ATG7: variants seen among roughly 807,000 people sequenced by gnomAD.
ATG7 encodes autophagy related 7.
Under a neutral mutation model 82.4 loss-of-function variants are expected in ATG7, and 70 were observed. That is an observed-to-expected ratio of 0.85 (90% CI 0.70 to 1.04). The LOEUF is 1.04. Among genes scored for constraint, ATG7 ranks in the 50% least tolerant of loss-of-function variants. The pLI, the probability that ATG7 is intolerant of heterozygous loss-of-function variation, is 0.00. For missense variants in ATG7, 792 were observed against 864.3 expected, an observed-to-expected ratio of 0.92 and a Z score of 1.05; for synonymous variants, 287 against 313.0, an observed-to-expected ratio of 0.92 and a Z score of 0.88.
At chr3:11,538,677 TAAAAAAAAAAAAAA>T (rs560029572) in intron 20 of ATG7, among the ~76,000 whole-genome samples, 3 of 47,648 alleles carry the variant, frequency 6.3e-5, no homozygotes, top group African/African-American at 9.8e-5. Context: ...ACTCCGTCTC[TAAAAAAAAAAAAAA>T]AAAAAAAAAA....
chr3:11,385,906 T>A (rs1369615763), intron 19 of ATG7, among the ~76,000 whole-genome samples: 1 of 152,228 alleles, frequency 6.6e-6, no homozygotes, highest in Non-Finnish European at 1.5e-5. Flanking sequence ...GAGTGCCGTT[T>A]TAATTTTGGC....
intron 20 of ATG7, among the ~76,000 whole-genome samples, chr3:11,518,582 A>G (rs1173907656): frequency 1.3e-5 from 2 of 151,960 alleles, no homozygotes; most frequent in East Asian, 1.9e-4. Flanking sequence ...GAGACAAAAC[A>G]ATCTTAGTGC....
In ATG7 at chr3:11,360,738, A is replaced by C; in HGVS notation, c.1637A>C (p.Tyr546Ser). 1 of 1,614,208 alleles carries C rather than the reference A, an allele frequency of 6.2e-7. No homozygotes were observed. Among genetic ancestry groups the C allele is most frequent in the Non-Finnish European group, 8.5e-7 (1 of 1,180,016 alleles). The part of the protein sequence containing the change: ...GSSLFANIPG[Y>S]KLGCYFCNDV... ...TCGCTTTTTGCCAACATCCCTGGTT[A>C]CAAGCTTGGCTGCTACTTCTGCAAT... Residue 546 changes from tyrosine to serine, a missense_variant, in exon 16 of 21, where the codon TAC becomes TCC. By Grantham distance (144) the Tyr-to-Ser change is moderately radical. Coordinates refer to ENST00000693202, the MANE Select transcript of ATG7 (RefSeq NM_001349232.2).
chr3:11,572,617 A>G, the ATG7 span, among the ~76,000 whole-genome samples: 40 of 152,148 alleles, frequency 2.6e-4, no homozygotes, highest in Non-Finnish European at 5.6e-4. Flanking sequence ...CTCTTGCCAC[A>G]CGTGGATGTG....
At chr3:11,409,105 T>C (rs2080642500) in intron 19 of ATG7, among the ~76,000 whole-genome samples, 1 of 152,250 alleles carries the variant, frequency 6.6e-6, no homozygotes, top group South Asian at 2.1e-4. Context: ...GCTGGTCTTT[T>C]CATCCTTCTG....
intron 3 of ATG7, among the ~76,000 whole-genome samples, chr3:11,293,690 A>T (rs1000532835): frequency 6.6e-6 from 1 of 151,632 alleles, no homozygotes; most frequent in Non-Finnish European, 1.5e-5. Flanking sequence ...CTACTAAAAA[A>T]TACAAAACAT....
At chr3:11,534,241 C>T (rs541360004) in intron 20 of ATG7, among the ~76,000 whole-genome samples, 105 of 152,372 alleles carry the variant, frequency 6.9e-4, no homozygotes, top group South Asian at 3.1e-3. Flanking sequence ...CTCCCAGAGT[C>T]TTAGCACTGT....
At chr3:11,520,651 C>T (rs73021332) in intron 20 of ATG7, among the ~76,000 whole-genome samples, 1,585 of 152,306 alleles carry the variant, frequency 0.01, 14 homozygotes, top group Non-Finnish European at 0.016. Flanking sequence ...ACACATTCTA[C>T]ACTTCTGAGC....
intron 20 of ATG7, among the ~76,000 whole-genome samples, chr3:11,553,918 C>T (rs896138381): frequency 1.3e-5 from 2 of 152,234 alleles, no homozygotes; most frequent in African/African-American, 4.8e-5. Context: ...TCTGCTAGCA[C>T]TGAGGTGGCC....
chr3:11,539,636 A>G (rs1354809396), intron 20 of ATG7, among the ~76,000 whole-genome samples: 2 of 152,146 alleles, frequency 1.3e-5, no homozygotes, highest in Non-Finnish European at 2.9e-5. Flanking sequence ...CTCTTATGAC[A>G]TTTTTGGTAA....
intron 20 of ATG7, among the ~76,000 whole-genome samples, chr3:11,495,017 A>C (rs1035650108): frequency 6.6e-6 from 1 of 152,102 alleles, no homozygotes; most frequent in African/African-American, 2.4e-5. Flanking sequence ...GGTTGCAGTG[A>C]GCCGAGATTG....
chr3:11,488,462 G>C, intron 20 of ATG7: 2 of 1,286,804 alleles, frequency 1.6e-6, no homozygotes, highest in Admixed American at 3.6e-5. Context: ...CGCGGCAGCG[G>C]CTCCGCTTCA....
At chr3:11,519,482 C>T (rs1190486794) in intron 20 of ATG7, among the ~76,000 whole-genome samples, 2 of 140,432 alleles carry the variant, frequency 1.4e-5, no homozygotes, top group Admixed American at 7.5e-5. Context: ...TGGGAACAAG[C>T]TGTCTTGCTT....
rs972967081 is a variant in ATG7, at chr3:11,556,811, A to G, written c.*1968A>G. 1 of 152,776 alleles carries G rather than the reference A, an allele frequency of 6.5e-6. No individual in the cohort carries two copies. Among genetic ancestry groups the G allele is most frequent in the Non-Finnish European group, 1.5e-5 (1 of 68,042 alleles). The allele number at this position is 152,776 out of a possible 1,614,324, so 9.5% of individuals were successfully genotyped here. A position where few individuals can be genotyped will look rare whatever the true frequency, so the allele number is the denominator to read the frequency against. ...GTTCTCAACGATTTTTCCTACAGAA[A>G]ATATAGGGGCCTGAATGCCAAAGCT... is the stretch of plus-strand genomic sequence containing the variant. On this transcript the variant is annotated 3_prime_UTR_variant, in exon 21 of 21. Transcript: ENST00000693202.
Position 11,361,957 on chromosome 3 carries a change from A to AT in ATG7, c.1684-855dup, listed in dbSNP as rs539414076. Reference sequence around the variant, plus strand: ...TTTAAAACTTTTCCCTTAATAACTCATATCTCTTTTGGATGACTGGCTTTT... The same window carrying AT: ...TTTAAAACTTTTCCCTTAATAACTCATTATCTCTTTTGGATGACTGGCTTTT... On this transcript the variant is annotated intron_variant, in intron 16 of 20. Coordinates refer to ENST00000693202, the MANE Select transcript of ATG7 (RefSeq NM_001349232.2). Among the ~76,000 whole-genome samples, 17 of 152,300 alleles carry AT rather than the reference A, an allele frequency of 1.1e-4. No homozygotes were observed. The East Asian group carries it at 2.9e-3, about 26-fold the overall frequency.
chr3:11,378,699 A>G (rs975121101), intron 18 of ATG7, among the ~76,000 whole-genome samples: 1 of 151,350 alleles, frequency 6.6e-6, no homozygotes, highest in Non-Finnish European at 1.5e-5. Flanking sequence ...AAAAAAAAAA[A>G]AAAAAAAAAA....
Position 11,345,757 on chromosome 3 carries a change from CTT to C in ATG7, c.1126-2117_1126-2116del, listed in dbSNP as rs1440667177. 2.7e-3 allele frequency among the ~76,000 whole-genome samples: 408 copies of C among 152,038 alleles called. 3 individuals carry two copies. The highest frequency in any genetic ancestry group is 5.4e-3 in the Admixed American group (83 of 15,282). Reference sequence around the variant, plus strand: ...TTGCTTTCAGATTCGTAAATATCTACTTTTATCTTTATTAATTTTTTCCTCCT... The same window carrying C: ...TTGCTTTCAGATTCGTAAATATCTACTTATCTTTATTAATTTTTTCCTCCT... On this transcript the variant is annotated intron_variant, in intron 13 of 20. Coordinates refer to ENST00000693202, the MANE Select transcript of ATG7 (RefSeq NM_001349232.2).
At chr3:11,511,511 A>G in intron 20 of ATG7, among the ~76,000 whole-genome samples, 1 of 152,120 alleles carries the variant, frequency 6.6e-6, no homozygotes, top group African/African-American at 2.4e-5. Flanking sequence ...TCCCCACCAG[A>G]CTCAGGAGCC....
intron 19 of ATG7, among the ~76,000 whole-genome samples, chr3:11,402,570 CT>C (rs2152898039): frequency 6.6e-6 from 1 of 152,302 alleles, no homozygotes; most frequent in South Asian, 2.1e-4. Context: ...CACCTAGAAC[CT>C]CCTTATACAT....
Sources: gnomAD v4.1 joint callset for allele counts (sites outside exome capture counted in the v4.1 genomes callset) on GRCh38, gnomAD v4.1.1 for gene constraint, MANE v1.5 for transcripts, NCBI Gene and HGNC (gene_info 2026-07-23, HGNC 2026-07-21) for gene names.